The following CHL1 variants were observed in gnomAD, a reference collection of about 807,000 sequenced individuals.
CHL1 encodes neural cell adhesion molecule L1-like protein.
In CHL1, 96 loss-of-function variants were observed where a neutral mutation model predicts 141.9. The ratio of observed to expected loss-of-function variants is 0.68; its 90% confidence interval spans 0.57 to 0.80. CHL1 has a LOEUF of 0.80. Ranked by LOEUF, CHL1 falls within the 30% of genes least tolerant of loss-of-function variation. The probability of loss-of-function intolerance (pLI) is 0.00; values close to 1 mark genes in which losing one functional copy is unlikely to be tolerated. For synonymous variants in CHL1, 613 were observed against 502.2 expected (o/e 1.22, Z -2.95); for missense variants, 1,820 against 1,457.2 (o/e 1.25, Z -4.05).
intron 2 of CHL1, among the ~76,000 whole-genome samples, chr3:290,290 G>C (rs1697566456): frequency 6.6e-6 from 1 of 152,108 alleles, no homozygotes. Context: ...ACATGTGTAG[G>C]GGGTAACTCA....
chr3:318,698 A>G (rs575784146), intron 2 of CHL1, among the ~76,000 whole-genome samples: 47 of 151,432 alleles, frequency 3.1e-4, no homozygotes, highest in African/African-American at 1.1e-3. Context: ...TTCAGTTAAA[A>G]TGGTGGCCTT....
chr3:272,303 G>GT (rs1339162550), intron 2 of CHL1, among the ~76,000 whole-genome samples: 1 of 152,062 alleles, frequency 6.6e-6, no homozygotes, highest in African/African-American at 2.4e-5. Flanking sequence ...ATAATTTTGT[G>GT]TTTTTTGTAT....
chr3:203,442 G>A (rs899782916), intron 1 of CHL1, among the ~76,000 whole-genome samples: 1 of 152,234 alleles, frequency 6.6e-6, no homozygotes, highest in Non-Finnish European at 1.5e-5. Flanking sequence ...TCTTCGCTGG[G>A]TAAAACATGG....
intron 2 of CHL1, chr3:248,458 G>GT (rs1693383106): frequency 6.6e-6 from 1 of 151,936 alleles, no homozygotes; most frequent in Admixed American, 6.6e-5. Context: ...CAGTCTATTG[G>GT]TTTTTATTAA....
At chr3:346,937 A>G (rs1411540907) in intron 9 of CHL1, among the ~76,000 whole-genome samples, 3 of 152,194 alleles carry the variant, frequency 2.0e-5, no homozygotes, top group Non-Finnish European at 4.4e-5. Flanking sequence ...TACTTGAAAG[A>G]ATAAAGTAAA....
At chr3:397,203 AT>A (rs1708750213) in intron 24 of CHL1, among the ~76,000 whole-genome samples, 1 of 152,070 alleles carries the variant, frequency 6.6e-6, no homozygotes, top group South Asian at 2.1e-4. Context: ...TTATACTAAT[AT>A]CTCTGTTTTT....
intron 1 of CHL1, chr3:197,674 A>T: frequency 2.5e-6 from 1 of 393,580 alleles, no homozygotes; most frequent in Non-Finnish European, 5.0e-6. Flanking sequence ...CGGGGAATCC[A>T]TGGACCGTGG....
At chr3:290,024 C>T (rs774386866) in intron 2 of CHL1, among the ~76,000 whole-genome samples, 43 of 149,160 alleles carry the variant, frequency 2.9e-4, no homozygotes, top group East Asian at 1.8e-3. Context: ...CCAATAGCAC[C>T]GTAACTCACC....
At chr3:317,758 C>A (rs1191346760) in intron 2 of CHL1, among the ~76,000 whole-genome samples, 1 of 151,420 alleles carries the variant, frequency 6.6e-6, no homozygotes, top group Admixed American at 6.6e-5. Context: ...TGTCTCCCAA[C>A]TTTGTACAAA....
chr3:400,680 A>T (rs1197692108), intron 26 of CHL1, among the ~76,000 whole-genome samples: 1 of 151,222 alleles, frequency 6.6e-6, no homozygotes, highest in African/African-American at 2.4e-5. Context: ...TGGCTGCCTG[A>T]AATCCTAACT....
intron 2 of CHL1, among the ~76,000 whole-genome samples, chr3:261,384 G>C (rs138472550): frequency 7.5e-4 from 114 of 151,844 alleles, no homozygotes; most frequent in African/African-American, 2.5e-3. Context: ...GAGGGAGAGA[G>C]AGCCTTCTCA....
chr3:335,004 A>C (rs1446064054), intron 5 of CHL1, among the ~76,000 whole-genome samples: 7 of 152,262 alleles, frequency 4.6e-5, no homozygotes, highest in African/African-American at 1.7e-4. Flanking sequence ...GAAATGTCTG[A>C]CAAAGATGAA....
At chr3:283,634 ACT>A (rs1696856595) in intron 2 of CHL1, among the ~76,000 whole-genome samples, 1 of 152,098 alleles carries the variant, frequency 6.6e-6, no homozygotes, top group African/African-American at 2.4e-5. Context: ...AGGAATACAG[ACT>A]CTAGTGTAAA....
At chr3:399,350 G>A (rs560488836) in intron 26 of CHL1, among the ~76,000 whole-genome samples, 18 of 152,200 alleles carry the variant, frequency 1.2e-4, no homozygotes, top group Non-Finnish European at 2.1e-4. Context: ...CACTTAAAAT[G>A]GGCTCTAACT....
At chr3:251,367 T>C (rs759034406) in intron 2 of CHL1, among the ~76,000 whole-genome samples, 4 of 152,142 alleles carry the variant, frequency 2.6e-5, no homozygotes, top group Non-Finnish European at 5.9e-5. Context: ...CTCAGCAACT[T>C]TTCGGTTGAA....
In CHL1 at chr3:244,637, C is replaced by G. The variant is rs1692987247; in HGVS notation, c.-150C>G. On this transcript the variant is annotated 5_prime_UTR_variant, in exon 2 of 28. It adds an upstream start codon to the 5' untranslated region. Coordinates refer to ENST00000256509, the MANE Select transcript of CHL1 (RefSeq NM_006614.4). Reference sequence around the variant, plus strand: ...GGTGCTGTAAACTGCAAACCATAATCCTGTCTTAATACTGCAAACAAATCA... The same window carrying G: ...GGTGCTGTAAACTGCAAACCATAATGCTGTCTTAATACTGCAAACAAATCA... 6.6e-6 allele frequency: 1 copy of G among 152,196 alleles called. No homozygotes were observed. Among genetic ancestry groups the G allele is most frequent in the African/African-American group, 2.4e-5 (1 of 41,448 alleles). The allele number at this position is 152,196 out of a possible 1,614,324, so 9.4% of individuals were successfully genotyped here.
At chr3:370,895 C>T (rs1327473412) in intron 15 of CHL1, among the ~76,000 whole-genome samples, 2 of 152,140 alleles carry the variant, frequency 1.3e-5, no homozygotes, top group African/African-American at 2.4e-5. Flanking sequence ...TTATCAATTT[C>T]CATGTAGTTG....
intron 2 of CHL1, among the ~76,000 whole-genome samples, chr3:314,713 C>T (rs1481074287): frequency 6.6e-6 from 1 of 151,890 alleles, no homozygotes; most frequent in African/African-American, 2.4e-5. Context: ...GTAGTGCAGG[C>T]TTCTTTTTAA....
At chr3:266,378 G>C (rs548380173) in intron 2 of CHL1, among the ~76,000 whole-genome samples, 9 of 152,124 alleles carry the variant, frequency 5.9e-5, no homozygotes, top group Non-Finnish European at 1.3e-4. Flanking sequence ...AGGATGCATT[G>C]GAAGCAACCT....
Sources: allele counts gnomAD v4.1 joint callset (sites outside exome capture counted in the v4.1 genomes callset), GRCh38; gene constraint gnomAD v4.1.1; transcripts MANE v1.5; gene names NCBI Gene and HGNC (gene_info 2026-07-23, HGNC 2026-07-21).